PLCB4: variants seen among roughly 807,000 people sequenced by gnomAD.
PLCB4 encodes the protein phospholipase C beta 4, also known as 1-phosphatidylinositol 4,5-bisphosphate phosphodiesterase beta-4.
In PLCB4, 77 loss-of-function variants were observed where a neutral mutation model predicts 178.8. That is an observed-to-expected ratio of 0.43 (90% CI 0.36 to 0.52). The LOEUF is 0.52. Among genes scored for constraint, PLCB4 ranks in the 20% least tolerant of loss-of-function variants. The pLI is 0.00. For synonymous variants in PLCB4, 496 were observed against 490.8 expected (o/e 1.01, Z -0.14); for missense variants, 1,024 against 1,453.4 (o/e 0.70, Z 4.80).
At chr20:9,246,365 G>T (rs1229490897) in intron 3 of PLCB4, among the ~76,000 whole-genome samples, 2 of 152,128 alleles carry the variant, frequency 1.3e-5, no homozygotes, top group Non-Finnish European at 2.9e-5. Context: ...TCTGGGAATT[G>T]TTATAACCGC....
At chr20:9,169,533 A>G (rs920428447) in intron 2 of PLCB4, among the ~76,000 whole-genome samples, 4 of 151,704 alleles carry the variant, frequency 2.6e-5, no homozygotes, top group Non-Finnish European at 5.9e-5. Flanking sequence ...AGGTTGCAGT[A>G]AGCTGAGACC....
At chr20:9,374,263 A>T (rs2036491101) in intron 12 of PLCB4, among the ~76,000 whole-genome samples, 1 of 152,202 alleles carries the variant, frequency 6.6e-6, no homozygotes, top group Non-Finnish European at 1.5e-5. Context: ...TCCTTCGTGT[A>T]CAATACAATG....
At position 9,230,019 on chromosome 20, in the gene PLCB4, C is replaced by T. The variant is rs1457851175; in HGVS notation, c.-16+12567C>T. ...CCATAGACTGGATGGCCTAAACCCA[C>T]AGTTCTGGAGGCCAGAAGTCCAAGA... On this transcript the variant is annotated intron_variant, in intron 3 of 39. Transcript: ENST00000378473. Among the ~76,000 whole-genome samples the T allele has an allele frequency of 2.0e-5, 3 of 152,122 alleles. No homozygotes were observed. In the East Asian group the frequency reaches 5.8e-4, roughly 29 times the overall value.
chr20:9,269,025 T>C, intron 3 of PLCB4, among the ~76,000 whole-genome samples: 1 of 152,182 alleles, frequency 6.6e-6, no homozygotes, highest in East Asian at 1.9e-4. Context: ...CATATCCTCC[T>C]TAAAGGTGCA....
At chr20:9,414,179 C>T (rs1249918784) in intron 25 of PLCB4, among the ~76,000 whole-genome samples, 1 of 152,252 alleles carries the variant, frequency 6.6e-6, no homozygotes, top group African/African-American at 2.4e-5. Flanking sequence ...ATACACCTCA[C>T]CAGAAAAGCT....
chr20:9,272,512 C>G (rs1352871271), intron 3 of PLCB4, among the ~76,000 whole-genome samples: 1 of 152,060 alleles, frequency 6.6e-6, no homozygotes, highest in Non-Finnish European at 1.5e-5. Flanking sequence ...GTCTCAACCC[C>G]TATCTCCTCT....
chr20:9,255,265 A>T (rs1435211171), intron 3 of PLCB4, among the ~76,000 whole-genome samples: 2 of 152,216 alleles, frequency 1.3e-5, no homozygotes, highest in Non-Finnish European at 2.9e-5. Context: ...CCAAAGTCAT[A>T]AGAATTGTAA....
chr20:9,262,886 C>T (rs1242840549), intron 3 of PLCB4, among the ~76,000 whole-genome samples: 1 of 152,092 alleles, frequency 6.6e-6, no homozygotes, highest in Non-Finnish European at 1.5e-5. Flanking sequence ...AGGCTGTGTC[C>T]AGGAATCTCA....
intron 6 of PLCB4, 96 bp from the exon 7 acceptor site, chr20:9,338,798 A>C: frequency 1.1e-6 from 1 of 933,732 alleles, no homozygotes; most frequent in Non-Finnish European, 1.6e-6. Context: ...CCTTATGTTT[A>C]TTTTTACATT....
chr20:9,225,316 A>T (rs1465935457), intron 3 of PLCB4, among the ~76,000 whole-genome samples: 1 of 152,212 alleles, frequency 6.6e-6, no homozygotes, highest in African/African-American at 2.4e-5. Context: ...TTGAAAACAA[A>T]ATGTTCATTT....
At chr20:9,409,313 AT>A in intron 24 of PLCB4, 132 bp downstream of exon 24, 2 of 572,746 alleles carry the variant, frequency 3.5e-6, no homozygotes, top group Non-Finnish European at 5.8e-6. Flanking sequence ...GTGTTATTGG[AT>A]TTATATAATG....
At position 9,476,770 on chromosome 20, in the gene PLCB4, G is replaced by A. The variant is rs762158330; in HGVS notation, c.3532+17G>A. On this transcript the variant is annotated intron_variant, in intron 39 of 39. Transcript: ENST00000378473. ...AAACGCAAGGTAGGACCGAAACTCTGATAAGCAAGACGTTGCTTTCCTTCT... is the reference window on the plus strand; with the variant it reads ...AAACGCAAGGTAGGACCGAAACTCTAATAAGCAAGACGTTGCTTTCCTTCT... 1.3e-6 allele frequency: 2 copies of A among 1,584,926 alleles called. No individual in the cohort carries two copies. The highest frequency in any genetic ancestry group is 4.5e-5 in the East Asian group (2 of 44,710).
intron 30 of PLCB4, among the ~76,000 whole-genome samples, chr20:9,442,539 TGAGA>T (rs1220753719): frequency 3.3e-5 from 5 of 152,014 alleles, no homozygotes; most frequent in Non-Finnish European, 7.4e-5. Context: ...AAATAAAAAT[TGAGA>T]GAGAGAGTGT....
intron 1 of PLCB4, among the ~76,000 whole-genome samples, chr20:9,084,910 G>A (rs572870216): frequency 8.6e-5 from 13 of 152,018 alleles, no homozygotes; most frequent in Middle Eastern, 3.4e-3. Context: ...AAAATTAGCC[G>A]GGCGTGGTGG....
chr20:9,322,126 T>C (rs1161382764), intron 4 of PLCB4, among the ~76,000 whole-genome samples: 1 of 145,638 alleles, frequency 6.9e-6, no homozygotes, highest in South Asian at 2.3e-4. Context: ...AATTTTTTTT[T>C]TTTTTTTTTT....
intron 7 of PLCB4, among the ~76,000 whole-genome samples, chr20:9,345,932 C>T (rs967984295): frequency 2.0e-5 from 3 of 151,958 alleles, no homozygotes; most frequent in Admixed American, 2.0e-4. Flanking sequence ...TGCAATGGTT[C>T]CAGAAGAAGG....
intron 35 of PLCB4, 60 bp downstream of exon 35, chr20:9,459,870 G>A: frequency 1.7e-6 from 2 of 1,186,856 alleles, no homozygotes; most frequent in Non-Finnish European, 2.4e-6. Context: ...AGCTGATTTT[G>A]TGTGTATAAG....
At chr20:9,072,740 A>G (rs1019154607) in intron 1 of PLCB4, among the ~76,000 whole-genome samples, 5 of 152,148 alleles carry the variant, frequency 3.3e-5, no homozygotes, top group African/African-American at 1.2e-4. Flanking sequence ...GCGTAACCCA[A>G]GTTTCTAGAG....
chr20:9,478,649 C>G (rs368158776), intron 39 of PLCB4, among the ~76,000 whole-genome samples: 1 of 152,152 alleles, frequency 6.6e-6, no homozygotes, highest in Admixed American at 6.5e-5. Flanking sequence ...ACTGTGTAAA[C>G]CAGTCCCCAA....
Sources: gnomAD v4.1 joint callset for allele counts (sites outside exome capture counted in the v4.1 genomes callset) on GRCh38, gnomAD v4.1.1 for gene constraint, MANE v1.5 for transcripts, NCBI Gene and HGNC (gene_info 2026-07-23, HGNC 2026-07-21) for gene names.